Variants in MMAB observed in about 807,000 individuals in gnomAD.
MMAB encodes corrinoid adenosyltransferase MMAB.
In MMAB, 17 loss-of-function variants were observed where a neutral mutation model predicts 30.6. That is an observed-to-expected ratio of 0.56 (90% CI 0.38 to 0.83). MMAB has a LOEUF of 0.83. MMAB is among the 40% of genes least tolerant of loss of function. The pLI is 0.00. For missense variants in MMAB, 311 were observed against 331.6 expected (o/e 0.94, Z 0.48); for synonymous variants, 134 against 138.6 (o/e 0.97, Z 0.23).
rs1555273916 is a variant in MMAB, at chr12:109,556,648, T to TCTCTCTCTCTCACACACACACA, written c.*379_*380insTGTGTGTGTGTGAGAGAGAGAG. ...GAGCTGGCAGTGGGAGGGCTCTCTC[T>TCTCTCTCTCTCACACACACACA]CACACACACACACACACACACACAC... is the stretch of plus-strand genomic sequence containing the variant. On this transcript the variant is annotated 3_prime_UTR_variant, in exon 9 of 9. Coordinates refer to ENST00000545712, the MANE Select transcript of MMAB (RefSeq NM_052845.4). 1.0e-5 allele frequency: 3 copies of TCTCTCTCTCTCACACACACACA among 299,444 alleles called. No homozygotes were observed. Among genetic ancestry groups the TCTCTCTCTCTCACACACACACA allele is most frequent in the African/African-American group, 6.0e-5 (2 of 33,174 alleles). 18.5% of individuals were successfully genotyped at this position (299,444 alleles called of 1,614,324 possible).
In MMAB at chr12:109,559,130, C is replaced by T. The variant is rs753618419; in HGVS notation, c.610G>A (p.Glu204Lys). 1.9e-6 allele frequency: 3 copies of T among 1,613,850 alleles called. No individual in the cohort carries two copies. The African/African-American group carries it at 4.0e-5, about 22-fold the overall frequency. ...RRVVPLVQMGETDANVAKFLN... is the reference protein window; with the variant it reads ...RRVVPLVQMGKTDANVAKFLN... ...AACTTGGCCACGTTCGCATCGGTCT[C>T]TCCCATCTGGACAAGAGGCACCACA... The change falls in exon 8 of 9, where the codon GAG becomes AAG. Residue 204 changes from glutamate to lysine, a missense_variant. Transcript: ENST00000545712.
At position 109,558,429 on chromosome 12, in the gene MMAB, C is replaced by A. The variant is rs1182622411; in HGVS notation, c.644+667G>T. Among the ~76,000 whole-genome samples, 1 of 152,140 alleles carries A rather than the reference C, an allele frequency of 6.6e-6. No individual in the cohort carries two copies. The highest frequency in any genetic ancestry group is 1.5e-5 in the Non-Finnish European group (1 of 68,006). ...AGGGCCTGAGGTCACTTTCTAGACA[C>A]CCAGGACAGCTCCTGGGGTGCAGAC... On this transcript the variant is annotated intron_variant, in intron 8 of 8. Transcript: ENST00000545712. The surrounding 1 kb of genome is among the most constrained non-coding windows in gnomAD (Gnocchi z 4.3).
rs753928358 is a variant in MMAB at position 109,555,589 on chromosome 12, G to A, written c.*1439C>T. ...TTCAGCTCTGTTTTGCAAACACTGA[G>A]CACCGACTCCGTACCAGACCTGGTA... On this transcript the variant is annotated 3_prime_UTR_variant, in exon 9 of 9. Transcript: ENST00000545712. 8.9e-6 allele frequency: 4 copies of A among 451,446 alleles called. No individual in the cohort carries two copies. Among genetic ancestry groups the A allele is most frequent in the Middle Eastern group, 6.9e-4 (1 of 1,458 alleles). 28.0% of individuals were successfully genotyped at this position (451,446 alleles called of 1,614,324 possible).
Position 109,555,282 on chromosome 12 carries a change from T to TTTTTTGTTTGTTTG in MMAB, c.*1745_*1746insCAAACAAACAAAAA, listed in dbSNP as rs1436050886. The TTTTTTGTTTGTTTG allele has an allele frequency of 1.1e-4, 28 of 246,768 alleles. No individual in the cohort carries two copies. In the African/African-American group the frequency reaches 1.2e-3, roughly 11 times the overall value. 15.3% of individuals were successfully genotyped at this position (246,768 alleles called of 1,614,324 possible). On this transcript the variant is annotated 3_prime_UTR_variant, in exon 9 of 9. Transcript: ENST00000545712. ...AGTGATTGCGTTTTCAGGGTTTTTT[T>TTTTTTGTTTGTTTG]TTTTTTTTTTTTTTTTTTGTGACGG...
rs571959373 is a variant in MMAB at position 109,558,803 on chromosome 12, GC to G, written c.644+292del. 6.6e-6 allele frequency among the ~76,000 whole-genome samples: 1 copy of G among 151,060 alleles called. No homozygotes were observed. The highest frequency in any genetic ancestry group is 1.5e-5 in the Non-Finnish European group (1 of 67,896). Reference sequence around the variant, plus strand: ...CACCCAGCCTCTAAGAACGCCCTTTGCCCCCGCAATGCCACTTTGCACTTAG... The same window carrying G: ...CACCCAGCCTCTAAGAACGCCCTTTGCCCCGCAATGCCACTTTGCACTTAG... On this transcript the variant is annotated intron_variant, in intron 8 of 8. Coordinates refer to ENST00000545712, the MANE Select transcript of MMAB (RefSeq NM_052845.4). This position sits in a 1 kb window ranked among gnomAD's most constrained non-coding sequence, Gnocchi z 4.3.
Position 109,556,875 on chromosome 12 carries a change from G to T in MMAB, c.*153C>A, listed in dbSNP as rs553824787. The T allele has an allele frequency of 8.7e-5, 60 of 691,388 alleles. No homozygotes were observed. In the African/African-American group the frequency reaches 8.9e-4, roughly 10 times the overall value. The allele number at this position is 691,388 out of a possible 1,614,324, so 42.8% of individuals were successfully genotyped here. A position where few individuals can be genotyped will look rare whatever the true frequency, so the allele number is the denominator to read the frequency against. ...GGGTCACAGTCCCTTGAGGAAGGTG[G>T]CAAGAGGTGTAGATCAAAGCTGAGC... On this transcript the variant is annotated 3_prime_UTR_variant, in exon 9 of 9. Coordinates refer to ENST00000545712, the MANE Select transcript of MMAB (RefSeq NM_052845.4).
At chr12:109,562,171 C>T (rs1884237962) in intron 4 of MMAB, among the ~76,000 whole-genome samples, 1 of 152,312 alleles carries the variant, frequency 6.6e-6, no homozygotes, top group African/African-American at 2.4e-5. Context: ...TCCCTCTTCA[C>T]ACTCTCTCTC....
rs1323701026 is a variant in MMAB, at chr12:109,561,474, C to T, written c.465G>A (p.Gln155=). ...FKAGPILELE[Q]WIDKYTSQLP... ...GCTGGCTGGTGTACTTGTCGATCCACTGCTCCAGCTCCAGGATGGGCCCCG... is the reference window on the plus strand; with the variant it reads ...GCTGGCTGGTGTACTTGTCGATCCATTGCTCCAGCTCCAGGATGGGCCCCG... The change falls in exon 6 of 9, where the codon CAG becomes CAA. Residue 155 remains glutamine (Q), a synonymous_variant. Transcript: ENST00000545712. This position sits in a 1 kb window ranked among gnomAD's most constrained non-coding sequence, Gnocchi z 5.3. 2.6e-6 allele frequency: 4 copies of T among 1,550,660 alleles called. No individual in the cohort carries two copies. The Admixed American group carries it at 5.9e-5, about 23-fold the overall frequency.
At position 109,559,125 on chromosome 12, in the gene MMAB, G is replaced by C. The variant is rs760629956; in HGVS notation, c.615C>G (p.Thr205=). Residue 205 remains threonine, a synonymous_variant, in exon 8 of 9, where the codon ACC becomes ACG. Transcript: ENST00000545712. ...TTAAGAACTTGGCCACGTTCGCATCGGTCTCTCCCATCTGGACAAGAGGCA... is the reference window on the plus strand; with the variant it reads ...TTAAGAACTTGGCCACGTTCGCATCCGTCTCTCCCATCTGGACAAGAGGCA... The part of the protein sequence containing the change: ...RVVPLVQMGE[T]DANVAKFLNR... 3.1e-6 allele frequency: 5 copies of C among 1,613,736 alleles called. No homozygotes were observed. The highest frequency in any genetic ancestry group is 4.2e-6 in the Non-Finnish European group (5 of 1,179,818).
Position 109,556,912 on chromosome 12 carries a change from G to C in MMAB, c.*116C>G, listed in dbSNP as rs1015391355. ...GATCAAAGCTGAGCTGGGACAAAAGGCTGCTTTGAGCCTCTCTGGGTGAGC... is the reference window on the plus strand; with the variant it reads ...GATCAAAGCTGAGCTGGGACAAAAGCCTGCTTTGAGCCTCTCTGGGTGAGC... On this transcript the variant is annotated 3_prime_UTR_variant, in exon 9 of 9. Coordinates refer to ENST00000545712, the MANE Select transcript of MMAB (RefSeq NM_052845.4). 1 of 636,780 alleles carries C rather than the reference G, an allele frequency of 1.6e-6. No individual in the cohort carries two copies. Among genetic ancestry groups the C allele is most frequent in the Non-Finnish European group, 2.8e-6 (1 of 351,778 alleles). 39.4% of individuals were successfully genotyped at this position (636,780 alleles called of 1,614,324 possible).
At chr12:109,559,323 G>A (rs1389762002) in intron 7 of MMAB, among the ~76,000 whole-genome samples, 168 bp from the exon 8 acceptor site, 1 of 152,204 alleles carries the variant, frequency 6.6e-6, no homozygotes, top group Admixed American at 6.5e-5. Context: ...GGTTTAAACA[G>A]GCCATCGGCC....
chr12:109,559,729 T>C (rs1884124429), intron 7 of MMAB, among the ~76,000 whole-genome samples: 1 of 152,210 alleles, frequency 6.6e-6, no homozygotes, highest in Non-Finnish European at 1.5e-5. Context: ...TTGCCGAGCC[T>C]TTCCCAGGTA....
chr12:109,572,330 T>C (rs1175270961), intron 1 of MMAB, among the ~76,000 whole-genome samples: 2 of 151,774 alleles, frequency 1.3e-5, no homozygotes, highest in Non-Finnish European at 1.5e-5. Flanking sequence ...CTGCAACCTC[T>C]GCCTCCCAGG....
chr12:109,572,488 G>T (rs1429640299), intron 1 of MMAB, among the ~76,000 whole-genome samples: 4 of 146,576 alleles, frequency 2.7e-5, no homozygotes, highest in Non-Finnish European at 4.4e-5. Context: ...CTGAGCTCAA[G>T]CAATACTCCT....
At position 109,573,469 on chromosome 12, in the gene MMAB, G is replaced by T. The variant is rs1481415459; in HGVS notation, c.12C>A (p.Cys4Ter). The change falls in exon 1 of 9, where the codon TGC becomes TGA. Residue 4 changes from cysteine (C) to a stop codon, truncating the protein, a stop_gained. Transcript: ENST00000545712. LOFTEE classifies it high-confidence loss of function. ...CCAGGCCAAGACGGCTCCCCAGGCC[G>T]CACACAGCCATGAGCCAGGCTGCTT... MAV[C>*]GLGSRLGLGS... 1.9e-5 allele frequency: 30 copies of T among 1,603,866 alleles called. No individual in the cohort carries two copies. Among genetic ancestry groups the T allele is most frequent in the Non-Finnish European group, 2.5e-5 (29 of 1,178,156 alleles).
chr12:109,556,460 C>A lies in MMAB; in HGVS notation c.*568G>T, dbSNP rs1030743925. ...CGCCTGTCAATCTGCAGCTATCCTTCCCCCACACTTTGGCGGTGATGGGTG... is the reference window on the plus strand; with the variant it reads ...CGCCTGTCAATCTGCAGCTATCCTTACCCCACACTTTGGCGGTGATGGGTG... On this transcript the variant is annotated 3_prime_UTR_variant, in exon 9 of 9. Transcript: ENST00000545712. The A allele has an allele frequency of 2.2e-6, 1 of 454,096 alleles. No homozygotes were observed. The highest frequency in any genetic ancestry group is 2.3e-5 in the Admixed American group (1 of 42,570). The allele number at this position is 454,096 out of a possible 1,614,324, so 28.1% of individuals were successfully genotyped here.
intron 3 of MMAB, 104 bp downstream of exon 3, chr12:109,568,666 C>T (rs923914200): frequency 2.1e-6 from 2 of 931,726 alleles, no homozygotes; most frequent in Non-Finnish European, 3.6e-6. Flanking sequence ...TAAGGGCTGA[C>T]AACCTCCGAG....
In MMAB at chr12:109,556,878, A is replaced by C; in HGVS notation, c.*150T>G. The C allele has an allele frequency of 1.4e-6, 1 of 692,730 alleles. No homozygotes were observed. Among genetic ancestry groups the C allele is most frequent in the East Asian group, 2.7e-5 (1 of 36,662 alleles). The allele number at this position is 692,730 out of a possible 1,614,324, so 42.9% of individuals were successfully genotyped here. A position where few individuals can be genotyped will look rare whatever the true frequency, so the allele number is the denominator to read the frequency against. On this transcript the variant is annotated 3_prime_UTR_variant, in exon 9 of 9. Coordinates refer to ENST00000545712, the MANE Select transcript of MMAB (RefSeq NM_052845.4). The stretch of plus-strand genomic sequence containing the variant: ...TCACAGTCCCTTGAGGAAGGTGGCA[A>C]GAGGTGTAGATCAAAGCTGAGCTGG...
chr12:109,556,959 G>T lies in MMAB; in HGVS notation c.*69C>A. 1 of 1,095,356 alleles carries T rather than the reference G, an allele frequency of 9.1e-7. No individual in the cohort carries two copies. The highest frequency in any genetic ancestry group is 2.4e-5 in the East Asian group (1 of 42,378). The allele number at this position is 1,095,356 out of a possible 1,614,324, so 67.9% of individuals were successfully genotyped here. On this transcript the variant is annotated 3_prime_UTR_variant, in exon 9 of 9. Transcript: ENST00000545712. Reference sequence around the variant, plus strand: ...GAGCTCTTCAGGAACCAGGACCCCAGAAGGGCAAGCTCCTCTCTCCACGGC... The same window carrying T: ...GAGCTCTTCAGGAACCAGGACCCCATAAGGGCAAGCTCCTCTCTCCACGGC...
Sources: gnomAD v4.1 joint callset for allele counts (sites outside exome capture counted in the v4.1 genomes callset) on GRCh38, gnomAD v4.1.1 for gene constraint, Gnocchi (gnomAD v3.1) non-coding constraint, MANE v1.5 for transcripts, NCBI Gene and HGNC (gene_info 2026-07-23, HGNC 2026-07-21) for gene names.